CSMD3: variants seen among roughly 807,000 people sequenced by gnomAD.
The protein encoded by CSMD3 is CUB and Sushi multiple domains 3, also known as CUB and sushi domain-containing protein 3.
In CSMD3, 177 loss-of-function variants were observed where a neutral mutation model predicts 435.2. That is an observed-to-expected ratio of 0.41 (90% CI 0.36 to 0.46). CSMD3 has a LOEUF of 0.46. CSMD3 is among the 20% of genes least tolerant of loss of function. The pLI, the probability that CSMD3 is intolerant of heterozygous loss-of-function variation, is 0.34. For missense variants in CSMD3, 4,265 were observed against 4,504.6 expected (o/e 0.95, Z 1.52); for synonymous variants, 1,656 against 1,520.5 (o/e 1.09, Z -2.07).
chr8:112,724,566 A>G (rs1445531920), intron 13 of CSMD3, among the ~76,000 whole-genome samples: 1 of 152,122 alleles, frequency 6.6e-6, no homozygotes, highest in East Asian at 1.9e-4. Context: ...TTGGTAAAAA[A>G]TCAATTAAGT....
chr8:112,536,566 T>C (rs1336585546), intron 27 of CSMD3, among the ~76,000 whole-genome samples: 1 of 152,174 alleles, frequency 6.6e-6, no homozygotes, highest in Non-Finnish European at 1.5e-5. Flanking sequence ...TTTACACTGT[T>C]GGTGGGACTG....
intron 3 of CSMD3, among the ~76,000 whole-genome samples, chr8:113,184,908 C>A (rs2092476187): frequency 6.6e-6 from 1 of 152,052 alleles, no homozygotes; most frequent in Admixed American, 6.6e-5. Context: ...TATTCCATAA[C>A]CTTCCAGTTA....
chr8:113,270,890 G>A (rs191432045), intron 3 of CSMD3, among the ~76,000 whole-genome samples: 1 of 151,838 alleles, frequency 6.6e-6, no homozygotes. Flanking sequence ...CAAGTTAATG[G>A]ATTGCAGCAC....
intron 12 of CSMD3, among the ~76,000 whole-genome samples, chr8:112,805,077 G>A (rs1380798139): frequency 6.6e-6 from 1 of 152,094 alleles, no homozygotes; most frequent in African/African-American, 2.4e-5. Flanking sequence ...TTCTTCTGCA[G>A]TTCCCACACA....
At chr8:112,832,174 A>T (rs1229902667) in intron 11 of CSMD3, among the ~76,000 whole-genome samples, 1 of 152,172 alleles carries the variant, frequency 6.6e-6, no homozygotes, top group Non-Finnish European at 1.5e-5. Flanking sequence ...TTGTGAATTG[A>T]CTTTTACAGA....
chr8:112,862,005 C>T (rs544149248), intron 10 of CSMD3, among the ~76,000 whole-genome samples: 2 of 151,898 alleles, frequency 1.3e-5, no homozygotes, highest in Non-Finnish European at 2.9e-5. Context: ...TCGCACAGCT[C>T]TTAAATTAAC....
chr8:113,124,904 AC>A (rs988114194), intron 4 of CSMD3, among the ~76,000 whole-genome samples: 4 of 151,980 alleles, frequency 2.6e-5, no homozygotes, highest in Admixed American at 2.6e-4. Flanking sequence ...CTATAAGTAT[AC>A]CCAGAGTCAT....
chr8:113,227,280 A>C (rs1325076664), intron 3 of CSMD3, among the ~76,000 whole-genome samples: 1 of 151,596 alleles, frequency 6.6e-6, no homozygotes, highest in African/African-American at 2.4e-5. Context: ...TCTGATGTCA[A>C]TAAAGAAAGG....
chr8:112,298,441 A>C (rs1054996265), intron 53 of CSMD3, among the ~76,000 whole-genome samples: 1 of 152,162 alleles, frequency 6.6e-6, no homozygotes, highest in Non-Finnish European at 1.5e-5. Flanking sequence ...GTTAAAGCTA[A>C]AACTATAAAG....
intron 50 of CSMD3, among the ~76,000 whole-genome samples, chr8:112,307,355 A>G (rs1398306156): frequency 6.6e-6 from 1 of 152,084 alleles, no homozygotes; most frequent in African/African-American, 2.4e-5. Context: ...ATCTTGGCTC[A>G]CTGCAGCCTC....
chr8:112,416,959 TC>T (rs1811980205), intron 32 of CSMD3, among the ~76,000 whole-genome samples: 8 of 152,154 alleles, frequency 5.3e-5, no homozygotes, highest in Admixed American at 5.2e-4. Flanking sequence ...GATATAAAAG[TC>T]TTCAAATTTG....
In CSMD3 at chr8:112,382,852, G is replaced by A. The variant is rs569752343; in HGVS notation, c.6031+715C>T. On this transcript the variant is annotated intron_variant, in intron 37 of 70. Transcript: ENST00000297405. The stretch of plus-strand genomic sequence containing the variant: ...CAAAAAATACAAAACTTAGCTGGGC[G>A]TAGTGACGCATGTCTGTAATCCCAG... 3.9e-5 allele frequency among the ~76,000 whole-genome samples: 6 copies of A among 152,214 alleles called. No individual in the cohort carries two copies. The South Asian group carries it at 6.2e-4, about 16-fold the overall frequency.
chr8:112,556,251 A>G (rs1193063488), intron 25 of CSMD3, among the ~76,000 whole-genome samples: 1 of 151,932 alleles, frequency 6.6e-6, no homozygotes, highest in Non-Finnish European at 1.5e-5. Flanking sequence ...AGAAGACAGA[A>G]AATGATCATT....
At chr8:112,916,549 T>C (rs1394027458) in intron 10 of CSMD3, among the ~76,000 whole-genome samples, 1 of 151,908 alleles carries the variant, frequency 6.6e-6, no homozygotes, top group Non-Finnish European at 1.5e-5. Context: ...TGTCACTCTA[T>C]TAATTGCTAA....
At chr8:113,287,233 A>T (rs1445436964) in intron 2 of CSMD3, among the ~76,000 whole-genome samples, 1 of 152,030 alleles carries the variant, frequency 6.6e-6, no homozygotes, top group Non-Finnish European at 1.5e-5. Context: ...AGACTTTTGG[A>T]TATGAATTAT....
intron 32 of CSMD3, among the ~76,000 whole-genome samples, chr8:112,459,620 A>T (rs1191826095): frequency 6.6e-6 from 1 of 152,128 alleles, no homozygotes; most frequent in Non-Finnish European, 1.5e-5. Flanking sequence ...ACTCAATTAG[A>T]CAATATACTA....
intron 16 of CSMD3, among the ~76,000 whole-genome samples, chr8:112,677,956 A>G (rs1050743595): frequency 6.6e-6 from 1 of 152,124 alleles, no homozygotes; most frequent in Non-Finnish European, 1.5e-5. Context: ...CCATGAAGGT[A>G]TTGTATAAGC....
intron 1 of CSMD3, among the ~76,000 whole-genome samples, chr8:113,384,386 A>G (rs1266069424): frequency 6.6e-6 from 1 of 152,208 alleles, no homozygotes; most frequent in Non-Finnish European, 1.5e-5. Flanking sequence ...ATAGTGTATC[A>G]GTCAGGATCC....
At position 113,314,612 on chromosome 8, in the gene CSMD3, T is replaced by A. The variant is rs750726034; in HGVS notation, c.360A>T (p.Ser120=). The change falls in exon 2 of 71, where the codon TCA becomes TCT. Residue 120 remains serine (S), a synonymous_variant. Transcript: ENST00000297405. ...TAGGATGAGGATGTCCATCATATAATGATAAGTAGTCGTATTCTTCTTCTA... is the reference window on the plus strand; with the variant it reads ...TAGGATGAGGATGTCCATCATATAAAGATAAGTAGTCGTATTCTTCTTCTA... ...FALEEEYDYL[S]LYDGHPHPTN... is the part of the protein sequence containing the mutation. 6.2e-7 allele frequency: 1 copy of A among 1,609,772 alleles called. No homozygotes were observed. Among genetic ancestry groups the A allele is most frequent in the Non-Finnish European group, 8.5e-7 (1 of 1,176,248 alleles).
Sources: allele counts gnomAD v4.1 joint callset (sites outside exome capture counted in the v4.1 genomes callset), GRCh38; gene constraint gnomAD v4.1.1; transcripts MANE v1.5; gene names NCBI Gene and HGNC (gene_info 2026-07-23, HGNC 2026-07-21).